The following CSNK1A1 variants were observed in gnomAD, a reference collection of about 807,000 sequenced individuals.
CSNK1A1 encodes the protein casein kinase I isoform alpha.
Under a neutral mutation model 46.1 loss-of-function variants are expected in CSNK1A1, and 7 were observed. The observed-to-expected ratio is 0.15, with a 90% CI of 0.09 to 0.29. The LOEUF (loss-of-function observed/expected upper bound fraction) is 0.29, where lower values mean the gene tolerates loss of function less well. Ranked by LOEUF, CSNK1A1 falls within the 10% of genes least tolerant of loss-of-function variation. The pLI, the probability that CSNK1A1 is intolerant of heterozygous loss-of-function variation, is 1.00. For missense variants in CSNK1A1, 96 were observed against 417.1 expected (o/e 0.23, Z 6.71); for synonymous variants, 137 against 141.5 (o/e 0.97, Z 0.23).
intron 9 of CSNK1A1, chr5:149,504,695 G>A (rs530489428): frequency 4.1e-6 from 4 of 985,410 alleles, no homozygotes; most frequent in South Asian, 9.4e-5. Context: ...AATTTGCAAG[G>A]CCTGGCTGCA....
At chr5:149,498,398 T>C (rs1333250030) in intron 9 of CSNK1A1, 3 of 985,248 alleles carry the variant, frequency 3.0e-6, no homozygotes, top group African/African-American at 3.5e-5. Flanking sequence ...TATTAAGAAG[T>C]ATTAGCGAGG....
At chr5:149,499,249 C>T (rs1392172590) in intron 9 of CSNK1A1, 15 of 973,636 alleles carry the variant, frequency 1.5e-5, no homozygotes, top group Non-Finnish European at 1.8e-5. Flanking sequence ...AAGAACCCAT[C>T]TTCACTGTAA....
At chr5:149,498,960 A>C (rs1760739395) in intron 9 of CSNK1A1, 1 of 985,302 alleles carries the variant, frequency 1.0e-6, no homozygotes, top group Non-Finnish European at 1.2e-6. Context: ...AGAAACTGGT[A>C]AAAGGCTACC....
chr5:149,551,050 G>A lies in CSNK1A1; in HGVS notation c.-86C>T, dbSNP rs530910618. 2.0e-6 allele frequency: 3 copies of A among 1,483,572 alleles called. No individual in the cohort carries two copies. Among genetic ancestry groups the A allele is most frequent in the Non-Finnish European group, 2.8e-6 (3 of 1,084,468 alleles). The allele number at this position is 1,483,572 out of a possible 1,614,324, so 91.9% of individuals were successfully genotyped here. On this transcript the variant is annotated 5_prime_UTR_variant, in exon 1 of 10. Coordinates refer to ENST00000377843, the MANE Select transcript of CSNK1A1 (RefSeq NM_001892.6). ...GCCTCGGGGCTCCTACACTAGGCAA[G>A]GCTACGGAGGAGGGCGGCAGGAAAC...
intron 9 of CSNK1A1, chr5:149,501,336 G>A: frequency 3.0e-6 from 3 of 985,422 alleles, no homozygotes; most frequent in Non-Finnish European, 3.6e-6. Flanking sequence ...TTAGAATTGA[G>A]TGTATTCAGA....
At chr5:149,518,010 G>T in intron 4 of CSNK1A1, 1 of 560,668 alleles carries the variant, frequency 1.8e-6, no homozygotes. Context: ...CTTCCACCAA[G>T]CACTGTAGCT....
chr5:149,499,967 C>CTTTT (rs1162496799), intron 9 of CSNK1A1, among the ~76,000 whole-genome samples: 25 of 77,698 alleles, frequency 3.2e-4, no homozygotes, highest in African/African-American at 6.4e-4. Context: ...TTCTTTTTTT[C>CTTTT]TTTTTTTTTT....
chr5:149,527,689 G>A (rs1306094616), intron 2 of CSNK1A1, among the ~76,000 whole-genome samples: 1 of 151,934 alleles, frequency 6.6e-6, no homozygotes, highest in Non-Finnish European at 1.5e-5. Flanking sequence ...TCCTTTTTAT[G>A]TGATAGGCAA....
chr5:149,500,914 T>A (rs1041560079), intron 9 of CSNK1A1: 7 of 914,314 alleles, frequency 7.7e-6, no homozygotes, highest in Non-Finnish European at 7.8e-6. Context: ...AGGTATACAC[T>A]ATTCCTAAAC....
Position 149,496,738 on chromosome 5 carries a change from A to G in CSNK1A1, c.*115T>C. The G allele has an allele frequency of 7.1e-7, 1 of 1,417,312 alleles. No homozygotes were observed. Among genetic ancestry groups the G allele is most frequent in the Non-Finnish European group, 9.4e-7 (1 of 1,058,238 alleles). 87.8% of individuals were successfully genotyped at this position (1,417,312 alleles called of 1,614,324 possible). ...GAAATTAAGTTCTTTACACCAAGTA[A>G]ATGGTTGTCCACAACCACTGGCTAG... On this transcript the variant is annotated 3_prime_UTR_variant, in exon 10 of 10. Coordinates refer to ENST00000377843, the MANE Select transcript of CSNK1A1 (RefSeq NM_001892.6).
At chr5:149,535,243 A>G (rs1158811061) in intron 2 of CSNK1A1, among the ~76,000 whole-genome samples, 2 of 152,142 alleles carry the variant, frequency 1.3e-5, no homozygotes, top group African/African-American at 4.8e-5. Flanking sequence ...CACCAAGGGG[A>G]TGAGTCCTCA....
At chr5:149,524,720 A>C (rs10058861) in intron 3 of CSNK1A1, among the ~76,000 whole-genome samples, 1 of 151,970 alleles carries the variant, frequency 6.6e-6, no homozygotes, top group East Asian at 1.9e-4. Flanking sequence ...AATGTCAATA[A>C]ACATTTATCA....
intron 2 of CSNK1A1, among the ~76,000 whole-genome samples, chr5:149,539,120 T>TCC (rs1037226840): frequency 6.6e-6 from 1 of 152,106 alleles, no homozygotes; most frequent in Non-Finnish European, 1.5e-5. Flanking sequence ...GTTTCATACA[T>TCC]CGATTTTAGA....
Position 149,495,650 on chromosome 5 carries a change from T to C in CSNK1A1, c.*1203A>G, listed in dbSNP as rs1381810893. The C allele has an allele frequency of 4.6e-5, 7 of 152,450 alleles. No homozygotes were observed. In the East Asian group the frequency reaches 1.4e-3, roughly 29 times the overall value. The allele number at this position is 152,450 out of a possible 1,614,324, so 9.4% of individuals were successfully genotyped here. On this transcript the variant is annotated 3_prime_UTR_variant, in exon 10 of 10. Transcript: ENST00000377843. ...AGGGAAACCCTTTAATGCTTTCATT[T>C]TTATTCAAAATCAGTCCAGCTGCTA...
At chr5:149,530,338 T>C (rs1761855218) in intron 2 of CSNK1A1, among the ~76,000 whole-genome samples, 1 of 152,170 alleles carries the variant, frequency 6.6e-6, no homozygotes, top group Non-Finnish European at 1.5e-5. Context: ...AGTGAAGACA[T>C]CAGGAAGCAT....
At chr5:149,542,632 ATATATATG>A (rs1561772436) in intron 2 of CSNK1A1, among the ~76,000 whole-genome samples, 3 of 10,352 alleles carry the variant, frequency 2.9e-4, no homozygotes, top group African/African-American at 1.3e-3. Flanking sequence ...ATATATATAT[ATATATATG>A]TATATATATA....
At chr5:149,531,280 A>G (rs1251991822) in intron 2 of CSNK1A1, among the ~76,000 whole-genome samples, 5 of 152,190 alleles carry the variant, frequency 3.3e-5, no homozygotes, top group Non-Finnish European at 7.3e-5. Context: ...CATGCCTGTA[A>G]TCCCAGCACT....
In CSNK1A1 at chr5:149,550,798, AGTAAAAGC is replaced by A. The variant is rs1580872931; in HGVS notation, c.123+36_123+43del. On this transcript the variant is annotated intron_variant, in intron 1 of 9. Transcript: ENST00000377843. The surrounding 1 kb of genome is among the most constrained non-coding windows in gnomAD (Gnocchi z 4.3). Reference sequence around the variant, plus strand: ...GTGCACGGTGGTGGTGGGGGGAATGAGTAAAAGCGCAGCGTTATCGTGAACCCCACCCC... The same window carrying A: ...GTGCACGGTGGTGGTGGGGGGAATGAGCAGCGTTATCGTGAACCCCACCCC... 7 of 1,613,068 alleles carry A rather than the reference AGTAAAAGC, an allele frequency of 4.3e-6. No homozygotes were observed. The African/African-American group carries it at 9.3e-5, about 22-fold the overall frequency.
chr5:149,515,051 CA>C (rs1761358464), intron 4 of CSNK1A1, among the ~76,000 whole-genome samples: 2 of 151,844 alleles, frequency 1.3e-5, no homozygotes, highest in Non-Finnish European at 2.9e-5. Flanking sequence ...ATTTGTTAAG[CA>C]AAACAAAAGT....
Sources: gnomAD v4.1 joint callset for allele counts (sites outside exome capture counted in the v4.1 genomes callset) on GRCh38, gnomAD v4.1.1 for gene constraint, Gnocchi (gnomAD v3.1) non-coding constraint, MANE v1.5 for transcripts, NCBI Gene and HGNC (gene_info 2026-07-23, HGNC 2026-07-21) for gene names.